Variants in STK3 observed in about 807,000 individuals in gnomAD.
STK3 encodes the protein serine/threonine kinase 3.
A neutral mutation model predicts 58.0 loss-of-function variants in STK3; 41 were observed. The observed-to-expected ratio is 0.71, with a 90% CI of 0.55 to 0.92. STK3 has a LOEUF of 0.92. Among genes scored for constraint, STK3 ranks in the 40% least tolerant of loss-of-function variants. The pLI is 0.00. For synonymous variants in STK3, 170 were observed against 191.0 expected (o/e 0.89, Z 0.91); for missense variants, 479 against 602.7 (o/e 0.79, Z 2.15).
At chr8:98,860,310 C>T (rs909845543) in intron 3 of STK3, among the ~76,000 whole-genome samples, 8 of 152,144 alleles carry the variant, frequency 5.3e-5, no homozygotes. Context: ...GGAATCAGAA[C>T]AAGTCTCCCA....
upstream of STK3, among the ~76,000 whole-genome samples, chr8:98,825,880 G>C (rs1451824884): frequency 3.3e-4 from 7 of 21,286 alleles, no homozygotes; most frequent in African/African-American, 6.6e-4. Flanking sequence ...CCCCGGCCGC[G>C]CCGGCCGCCA....
intron 1 of STK3, among the ~76,000 whole-genome samples, chr8:98,445,139 G>A (rs1000138792): frequency 6.6e-6 from 1 of 152,096 alleles, no homozygotes; most frequent in African/African-American, 2.4e-5. Flanking sequence ...TATATTCAGA[G>A]TTCTGCAACC....
chr8:98,851,991 T>TAATA (rs1352773333), intron 3 of STK3, among the ~76,000 whole-genome samples: 1 of 151,622 alleles, frequency 6.6e-6, no homozygotes, highest in Non-Finnish European at 1.5e-5. Flanking sequence ...TGCTCTTAAA[T>TAATA]AATAAATAAA....
intron 1 of STK3, among the ~76,000 whole-genome samples, chr8:98,383,388 A>T (rs1355791988): frequency 1.3e-5 from 2 of 152,168 alleles, no homozygotes; most frequent in African/African-American, 4.8e-5. Flanking sequence ...GTCAGACTAG[A>T]TGTATAAATG....
At chr8:98,412,429 G>C (rs1395142229) in intron 3 of STK3, among the ~76,000 whole-genome samples, 1 of 152,138 alleles carries the variant, frequency 6.6e-6, no homozygotes, top group Admixed American at 6.5e-5. Context: ...TTTTTCTCTG[G>C]TTCCTTGCAT....
At chr8:98,704,947 T>A (rs572364439) in intron 6 of STK3, among the ~76,000 whole-genome samples, 1 of 152,148 alleles carries the variant, frequency 6.6e-6, no homozygotes. Flanking sequence ...CCTACAAACA[T>A]CCTAACTAAA....
chr8:98,486,656 G>A (rs937621630), intron 10 of STK3, among the ~76,000 whole-genome samples: 4 of 152,192 alleles, frequency 2.6e-5, no homozygotes, highest in Non-Finnish European at 5.9e-5. Flanking sequence ...AAAAGGGGAG[G>A]TGAGGGGAGA....
intron 6 of STK3, among the ~76,000 whole-genome samples, chr8:98,612,326 TG>T (rs1270554274): frequency 6.7e-6 from 1 of 149,802 alleles, no homozygotes; most frequent in African/African-American, 2.4e-5. Flanking sequence ...GGAAGCCGAG[TG>T]GGGAGGACTG....
intron 3 of STK3, among the ~76,000 whole-genome samples, chr8:98,866,008 G>C (rs548098161): frequency 6.6e-6 from 1 of 152,346 alleles, no homozygotes; most frequent in African/African-American, 2.4e-5. Flanking sequence ...AGGACCATGT[G>C]CCCCGTTGCT....
At chr8:98,891,008 T>A (rs1043872713) in intron 1 of STK3, among the ~76,000 whole-genome samples, 12 of 152,362 alleles carry the variant, frequency 7.9e-5, no homozygotes, top group African/African-American at 2.9e-4. Flanking sequence ...GACTTACAAA[T>A]GCCTTCTACT....
At chr8:98,876,751 C>A (rs144621456) in intron 3 of STK3, among the ~76,000 whole-genome samples, 13 of 152,146 alleles carry the variant, frequency 8.5e-5, no homozygotes, top group African/African-American at 2.7e-4. Context: ...AGAAGCTGTG[C>A]GAAAGTGAGA....
intron 6 of STK3, among the ~76,000 whole-genome samples, chr8:98,687,871 C>T (rs866533150): frequency 3.3e-5 from 5 of 152,230 alleles, no homozygotes; most frequent in Non-Finnish European, 7.4e-5. Context: ...ACTATACAAT[C>T]GAGACTACAA....
chr8:98,403,868 C>T (rs1301841981), intron 3 of STK3, among the ~76,000 whole-genome samples: 1 of 152,270 alleles, frequency 6.6e-6, no homozygotes, highest in Non-Finnish European at 1.5e-5. Context: ...GCCTCTGCTA[C>T]CACCACCTCT....
intron 10 of STK3, among the ~76,000 whole-genome samples, chr8:98,462,416 C>T (rs1216263991): frequency 6.6e-6 from 1 of 152,152 alleles, no homozygotes; most frequent in Non-Finnish European, 1.5e-5. Flanking sequence ...TCATCTTACT[C>T]ATCCTTCAGT....
At chr8:98,894,648 G>A (rs1838384467) in intron 1 of STK3, among the ~76,000 whole-genome samples, 1 of 152,286 alleles carries the variant, frequency 6.6e-6, no homozygotes, top group East Asian at 1.9e-4. Flanking sequence ...CACCACTGAA[G>A]ACAGAGACTT....
intron 6 of STK3, among the ~76,000 whole-genome samples, chr8:98,656,160 A>G (rs1382484694): frequency 6.6e-6 from 1 of 152,242 alleles, no homozygotes; most frequent in African/African-American, 2.4e-5. Context: ...CAGCCATAAA[A>G]AATGATGAGT....
At chr8:98,774,716 G>A in intron 2 of STK3, 23 bp downstream of exon 2, 2 of 1,470,906 alleles carry the variant, frequency 1.4e-6, no homozygotes, top group East Asian at 4.7e-5. Context: ...TTATTTACAT[G>A]CTTTCATACT....
chr8:98,466,436 T>G (rs189055372), intron 10 of STK3, among the ~76,000 whole-genome samples: 1 of 152,338 alleles, frequency 6.6e-6, no homozygotes, highest in East Asian at 1.9e-4. Flanking sequence ...TCACTTTTAC[T>G]TATTAAAAGT....
chr8:98,902,751 T>G (rs886614961), intron 1 of STK3, among the ~76,000 whole-genome samples: 2 of 152,246 alleles, frequency 1.3e-5, no homozygotes, highest in Non-Finnish European at 2.9e-5. Flanking sequence ...TGGCTTCCCA[T>G]TGCACTTAAT....
Sources: gnomAD v4.1 joint callset for allele counts (sites outside exome capture counted in the v4.1 genomes callset) on GRCh38, gnomAD v4.1.1 for gene constraint, MANE v1.5 for transcripts, NCBI Gene and HGNC (gene_info 2026-07-23, HGNC 2026-07-21) for gene names.